Variants in LY86 observed in about 807,000 individuals in gnomAD.
LY86 encodes the protein lymphocyte antigen 86.
Under a neutral mutation model 17.3 loss-of-function variants are expected in LY86, and 20 were observed. That is an observed-to-expected ratio of 1.15 (90% CI 0.81 to 1.68). The LOEUF (loss-of-function observed/expected upper bound fraction) is 1.68, where lower values mean the gene tolerates loss of function less well. Ranked by LOEUF, LY86 falls within the 40% of genes most tolerant of loss-of-function variation. LY86 has a pLI of 0.00. For missense variants in LY86, 200 were observed against 191.9 expected, an observed-to-expected ratio of 1.04 and a Z score of -0.25; for synonymous variants, 74 against 70.6, an observed-to-expected ratio of 1.05 and a Z score of -0.24.
intron 3 of LY86, among the ~76,000 whole-genome samples, chr6:6,644,517 A>G (rs1193413113): frequency 6.6e-6 from 1 of 152,178 alleles, no homozygotes; most frequent in Non-Finnish European, 1.5e-5. Context: ...TGTTTCAAAA[A>G]AAAAAAGGAA....
At chr6:6,640,673 A>G (rs1482211837) in intron 3 of LY86, among the ~76,000 whole-genome samples, 1 of 152,042 alleles carries the variant, frequency 6.6e-6, no homozygotes, top group Non-Finnish European at 1.5e-5. Context: ...TGATCACACC[A>G]TTGCACTGCA....
Position 6,626,326 on chromosome 6 carries a change from C to G in LY86, c.257C>G (p.Ala86Gly). ...ATCAAAGAGCTTTTTCTTGACCTAG[C>G]TCTCATGTCTCAAGGCTCATCTGTT... is the stretch of plus-strand genomic sequence containing the variant. ...EDIKELFLDLALMSQGSSVLN... is the reference protein window; with the variant it reads ...EDIKELFLDLGLMSQGSSVLN... Residue 86 changes from alanine (A) to glycine (G), a missense_variant, in exon 3 of 5, where the codon GCT (alanine) becomes GGT (glycine). Physicochemically the swap from Ala to Gly is moderately conservative, Grantham distance 60. Coordinates refer to ENST00000230568, the MANE Select transcript of LY86 (RefSeq NM_004271.4). 6.2e-7 allele frequency: 1 copy of G among 1,613,968 alleles called. No individual in the cohort carries two copies. Among genetic ancestry groups the G allele is most frequent in the South Asian group, 1.1e-5 (1 of 91,086 alleles).
intron 1 of LY86, among the ~76,000 whole-genome samples, chr6:6,602,710 T>C (rs548697006): frequency 2.0e-5 from 3 of 152,224 alleles, no homozygotes; most frequent in Admixed American, 6.5e-5. Context: ...CTTAGAGATG[T>C]CATATCTCAA....
chr6:6,650,660 G>A (rs1453408825), intron 4 of LY86, among the ~76,000 whole-genome samples: 1 of 152,134 alleles, frequency 6.6e-6, no homozygotes, highest in Non-Finnish European at 1.5e-5. Context: ...ACAAAAATGT[G>A]ATTTTTTAAA....
Position 6,649,624 on chromosome 6 carries a change from G to A in LY86, c.353-1G>A. 1 of 1,548,920 alleles carries A rather than the reference G, an allele frequency of 6.5e-7. No individual in the cohort carries two copies. The highest frequency in any genetic ancestry group is 1.4e-5 in the African/African-American group (1 of 73,228). On this transcript the variant is annotated splice_acceptor_variant, in intron 3 of 4. Transcript: ENST00000230568. LOFTEE classifies it high-confidence loss of function. ...CATCTATGCTTTATATATTTTTTCA[G>A]AGCAGATTTACTATGCTGGGCCTGT...
At chr6:6,602,053 G>A (rs1026546360) in intron 1 of LY86, among the ~76,000 whole-genome samples, 1 of 152,202 alleles carries the variant, frequency 6.6e-6, no homozygotes, top group African/African-American at 2.4e-5. Context: ...TGCCTTTTAT[G>A]CCACCTGACC....
At chr6:6,590,209 G>A (rs980610050) in intron 1 of LY86, among the ~76,000 whole-genome samples, 3 of 149,736 alleles carry the variant, frequency 2.0e-5, no homozygotes, top group South Asian at 2.1e-4. Context: ...CTAGGAATAC[G>A]TTCCAAGACT....
intron 1 of LY86, among the ~76,000 whole-genome samples, 175 bp downstream of exon 1, chr6:6,589,045 G>A (rs565589647): frequency 2.0e-4 from 30 of 152,298 alleles, no homozygotes; most frequent in African/African-American, 7.0e-4. Flanking sequence ...AAGAAGGAGC[G>A]GTGGGGCCAG....
At position 6,590,061 on chromosome 6, in the gene LY86, T is replaced by C. The variant is rs1436558023; in HGVS notation, c.136+1191T>C. ...TGAACCCAGGAGGTGGAGGTTGCAG[T>C]GAGCCAAGATCGTGCCATTGTACTC... is the stretch of plus-strand genomic sequence containing the variant. On this transcript the variant is annotated intron_variant, in intron 1 of 4. Transcript: ENST00000230568. 2.9e-5 allele frequency among the ~76,000 whole-genome samples: 4 copies of C among 137,702 alleles called. 1 individual carries two copies. Among genetic ancestry groups the C allele is most frequent in the Non-Finnish European group, 4.5e-5 (3 of 66,308 alleles). The allele number at this position is 137,702 out of a possible 152,430, so 90.3% of individuals were successfully genotyped here.
intron 3 of LY86, among the ~76,000 whole-genome samples, chr6:6,648,024 G>C (rs1762131985): frequency 6.8e-6 from 1 of 146,752 alleles, no homozygotes; most frequent in Non-Finnish European, 1.5e-5. Context: ...TCCTCATCAG[G>C]CTTCCCTAAT....
chr6:6,591,830 GA>G (rs1438725658), intron 1 of LY86, among the ~76,000 whole-genome samples: 1 of 152,220 alleles, frequency 6.6e-6, no homozygotes, highest in East Asian at 1.9e-4. Context: ...TGGACTAAAG[GA>G]GGGGTGAGAG....
chr6:6,611,932 C>G (rs910589347), intron 1 of LY86, among the ~76,000 whole-genome samples: 1 of 152,184 alleles, frequency 6.6e-6, no homozygotes, highest in Non-Finnish European at 1.5e-5. Context: ...GCCAGCTGCT[C>G]TTAACTTCCA....
chr6:6,614,496 GC>G (rs1761499645), intron 1 of LY86, among the ~76,000 whole-genome samples: 1 of 151,848 alleles, frequency 6.6e-6, no homozygotes, highest in African/African-American at 2.4e-5. Context: ...CGCATACCAG[GC>G]TCTCTGGTCT....
intron 4 of LY86, among the ~76,000 whole-genome samples, chr6:6,649,879 C>T (rs1199971011): frequency 6.6e-6 from 1 of 152,216 alleles, no homozygotes; most frequent in Non-Finnish European, 1.5e-5. Context: ...AATTTCTTGA[C>T]ACACTGGCTT....
At chr6:6,614,255 T>C (rs1355480512) in intron 1 of LY86, among the ~76,000 whole-genome samples, 1 of 152,192 alleles carries the variant, frequency 6.6e-6, no homozygotes, top group Non-Finnish European at 1.5e-5. Context: ...GTGTGAACCT[T>C]GACTGCCTTA....
intron 1 of LY86, among the ~76,000 whole-genome samples, chr6:6,596,543 T>C (rs890664395): frequency 6.6e-6 from 1 of 152,130 alleles, no homozygotes; most frequent in Non-Finnish European, 1.5e-5. Context: ...AGTAGACAAA[T>C]AGCTAGAGAG....
chr6:6,612,547 G>C (rs183339280), intron 1 of LY86, among the ~76,000 whole-genome samples: 25 of 152,240 alleles, frequency 1.6e-4, no homozygotes, highest in Non-Finnish European at 1.8e-4. Context: ...CAAAAGCAAC[G>C]AAACAACCAG....
chr6:6,622,341 C>A (rs1761700677), intron 1 of LY86, among the ~76,000 whole-genome samples: 1 of 152,208 alleles, frequency 6.6e-6, no homozygotes, highest in African/African-American at 2.4e-5. Context: ...TACTTAGCCT[C>A]TTTTATTTTG....
chr6:6,652,262 A>G (rs1013186845), intron 4 of LY86, among the ~76,000 whole-genome samples: 5 of 152,026 alleles, frequency 3.3e-5, no homozygotes. Context: ...GGCTCCCTAC[A>G]CCGGCTGCAG....
Sources: allele counts gnomAD v4.1 joint callset (sites outside exome capture counted in the v4.1 genomes callset), GRCh38; gene constraint gnomAD v4.1.1; transcripts MANE v1.5; gene names NCBI Gene and HGNC (gene_info 2026-07-23, HGNC 2026-07-21).